The following NEDD1 variants were observed in gnomAD, a reference collection of about 807,000 sequenced individuals.
NEDD1 encodes protein NEDD1.
A neutral mutation model predicts 74.0 loss-of-function variants in NEDD1; 33 were observed. The observed-to-expected ratio is 0.45, with a 90% CI of 0.34 to 0.60. The LOEUF (loss-of-function observed/expected upper bound fraction) is 0.60, where lower values mean the gene tolerates loss of function less well. Ranked by LOEUF, NEDD1 falls within the 20% of genes least tolerant of loss-of-function variation. The probability of loss-of-function intolerance (pLI) is 0.01; values close to 1 mark genes in which losing one functional copy is unlikely to be tolerated. For missense variants in NEDD1, 746 were observed against 776.5 expected (o/e 0.96, Z 0.47); for synonymous variants, 250 against 264.4 (o/e 0.95, Z 0.53).
At chr12:96,928,387 A>C (rs1444998031) in intron 6 of NEDD1, among the ~76,000 whole-genome samples, 1 of 152,106 alleles carries the variant, frequency 6.6e-6, no homozygotes, top group African/African-American at 2.4e-5. Flanking sequence ...TATTGTTTTC[A>C]TAAGTATGTA....
chr12:96,916,230 T>TTTATTATTA (rs140210892), intron 4 of NEDD1, among the ~76,000 whole-genome samples: 3,124 of 145,394 alleles, frequency 0.021, 57 homozygotes, highest in East Asian at 0.096. Context: ...CCGTTGAAGA[T>TTTATTATTA]TTATTATTAT....
At chr12:96,932,417 G>A (rs1876576400) in intron 6 of NEDD1, among the ~76,000 whole-genome samples, 1 of 81,696 alleles carries the variant, frequency 1.2e-5, no homozygotes, top group Non-Finnish European at 2.4e-5. Flanking sequence ...GACCAGCCTG[G>A]GCAAAATGGC....
At position 96,942,627 on chromosome 12, in the gene NEDD1, A is replaced by G. The variant is rs775947296; in HGVS notation, c.1294+3A>G. The G allele has an allele frequency of 7.1e-7, 1 of 1,416,998 alleles. No homozygotes were observed. The highest frequency in any genetic ancestry group is 1.0e-6 in the Non-Finnish European group (1 of 1,002,016). 87.8% of individuals were successfully genotyped at this position (1,416,998 alleles called of 1,614,324 possible). A position where few individuals can be genotyped will look rare whatever the true frequency, so the allele number is the denominator to read the frequency against. ...TGAGTCCATAGGCAAAGGAGATGGT[A>G]AGAACTACTTAGAAGTATTTTCGTG... On this transcript the variant is annotated splice_donor_region_variant and intron_variant, in intron 11 of 15. Coordinates refer to ENST00000266742, the MANE Select transcript of NEDD1 (RefSeq NM_152905.4).
chr12:96,936,523 C>T, intron 7 of NEDD1, 88 bp from the exon 8 acceptor site: 1 of 825,428 alleles, frequency 1.2e-6, no homozygotes, highest in Admixed American at 2.1e-5. Context: ...GTGTTAATAA[C>T]TCTGGTTTTG....
At position 96,921,699 on chromosome 12, in the gene NEDD1, G is replaced by A. The variant is rs947979679; in HGVS notation, c.489+1574G>A. 3.4e-5 allele frequency among the ~76,000 whole-genome samples: 5 copies of A among 149,150 alleles called. No homozygotes were observed. In the East Asian group the frequency reaches 7.8e-4, roughly 23 times the overall value. On this transcript the variant is annotated intron_variant, in intron 6 of 15. Transcript: ENST00000266742. The stretch of plus-strand genomic sequence containing the variant: ...CTTTCTTAGAGAGTCTTACTCTATT[G>A]CCTATGCTGGAGTGCAGGGGAATGA...
At chr12:96,920,723 A>G (rs1874985924) in intron 6 of NEDD1, among the ~76,000 whole-genome samples, 1 of 152,210 alleles carries the variant, frequency 6.6e-6, no homozygotes, top group South Asian at 2.1e-4. Flanking sequence ...CTCTTGGTTG[A>G]CTTTCCATAA....
At position 96,936,809 on chromosome 12, in the gene NEDD1, TA is replaced by T; in HGVS notation, c.920del (p.Lys307SerfsTer4). 6.3e-7 allele frequency: 1 copy of T among 1,584,210 alleles called. No homozygotes were observed. Among genetic ancestry groups the T allele is most frequent in the Non-Finnish European group, 8.7e-7 (1 of 1,154,730 alleles). On this transcript the variant is annotated frameshift_variant and splice_region_variant, in exon 8 of 16. Coordinates refer to ENST00000266742, the MANE Select transcript of NEDD1 (RefSeq NM_152905.4). LOFTEE classifies it high-confidence loss of function. ...IAFQYSTVLT[K>X]SSLNKGCSNK... ...CATTTCAGTACTCCACTGTTCTTAC[TA>T]AGGTGAGACATTTTCTTTTCAGCAT...
At chr12:96,933,864 A>G (rs1006362965) in intron 6 of NEDD1, among the ~76,000 whole-genome samples, 1 of 152,218 alleles carries the variant, frequency 6.6e-6, no homozygotes, top group Non-Finnish European at 1.5e-5. Flanking sequence ...ACATTTTAGT[A>G]AAAAAGAAAA....
chr12:96,929,214 T>A (rs1876073115), intron 6 of NEDD1, among the ~76,000 whole-genome samples: 1 of 151,894 alleles, frequency 6.6e-6, no homozygotes, highest in Non-Finnish European at 1.5e-5. Flanking sequence ...TAAGGTATTG[T>A]CTGTTGTGTT....
intron 7 of NEDD1, among the ~76,000 whole-genome samples, chr12:96,935,804 A>G (rs899235939): frequency 3.3e-5 from 5 of 152,078 alleles, no homozygotes; most frequent in African/African-American, 1.2e-4. Flanking sequence ...TGTTAAATTT[A>G]GGTATGCTTA....
At chr12:96,942,955 T>C (rs1044820427) in intron 11 of NEDD1, among the ~76,000 whole-genome samples, 4 of 152,004 alleles carry the variant, frequency 2.6e-5, no homozygotes, top group Admixed American at 2.0e-4. Context: ...GCCAACAACA[T>C]GGCAGCTGGT....
chr12:96,943,470 C>T lies in NEDD1; in HGVS notation c.1295-90C>T, dbSNP rs1019479974. ...CAGAATGCAGATCCATATCTTCTTC[C>T]ATGTTAATCTGCCTATCATGTTAAA... On this transcript the variant is annotated intron_variant, in intron 11 of 15. Transcript: ENST00000266742. 3.8e-5 allele frequency: 31 copies of T among 807,710 alleles called. No individual in the cohort carries two copies. In the African/African-American group the frequency reaches 5.1e-4, roughly 13 times the overall value. 50.0% of individuals were successfully genotyped at this position (807,710 alleles called of 1,614,324 possible). A position where few individuals can be genotyped will look rare whatever the true frequency, so the allele number is the denominator to read the frequency against.
chr12:96,912,788 C>G lies in NEDD1; in HGVS notation c.202C>G (p.Pro68Ala). Reference protein sequence around the residue: ...KIVVSSCKCKPVPLLELAEGQ... With the variant: ...KIVVSSCKCKAVPLLELAEGQ... ...AGTTGTCTCAAGTTGCAAATGTAAA[C>G]CTGTTCCACTTTTAGAGCTTGCTGA... The change falls in exon 4 of 16, where the codon CCT (proline) becomes GCT (alanine). Residue 68 changes from proline (P) to alanine (A), a missense_variant. Physicochemically the swap from Pro to Ala is conservative, Grantham distance 27. Coordinates refer to ENST00000266742, the MANE Select transcript of NEDD1 (RefSeq NM_152905.4). The G allele has an allele frequency of 6.2e-7, 1 of 1,605,882 alleles. No homozygotes were observed.
chr12:96,929,109 G>T (rs1876059185), intron 6 of NEDD1, among the ~76,000 whole-genome samples: 1 of 150,944 alleles, frequency 6.6e-6, no homozygotes, highest in Non-Finnish European at 1.5e-5. Flanking sequence ...CATTTTCTTT[G>T]CTTATCTTCA....
intron 6 of NEDD1, among the ~76,000 whole-genome samples, chr12:96,931,786 A>T (rs114853873): frequency 6.6e-6 from 1 of 152,324 alleles, no homozygotes; most frequent in East Asian, 1.9e-4. Context: ...TTGATACTCT[A>T]CTGAATACAC....
rs937668565 is a variant in NEDD1, at chr12:96,952,893, TAAG to T, written c.*844_*846del. ...ATTATTTCTATTTTCTTTTTCCAAA[TAAG>T]AAGCTTGGATTATTTTATTTTGTGG... is the stretch of plus-strand genomic sequence containing the variant. On this transcript the variant is annotated 3_prime_UTR_variant, in exon 16 of 16. Coordinates refer to ENST00000266742, the MANE Select transcript of NEDD1 (RefSeq NM_152905.4). 2.1e-4 allele frequency: 32 copies of T among 151,718 alleles called. No individual in the cohort carries two copies. Among genetic ancestry groups the T allele is most frequent in the Admixed American group, 1.6e-3 (25 of 15,204 alleles). The allele number at this position is 151,718 out of a possible 1,614,324, so 9.4% of individuals were successfully genotyped here. A position where few individuals can be genotyped will look rare whatever the true frequency, so the allele number is the denominator to read the frequency against.
At chr12:96,942,715 T>TA (rs982308673) in intron 11 of NEDD1, 91 bp downstream of exon 11, 48 of 708,346 alleles carry the variant, frequency 6.8e-5, no homozygotes, top group Non-Finnish European at 9.1e-5. Flanking sequence ...CTTTGAGGCT[T>TA]AAAAAAATAA....
In NEDD1 at chr12:96,920,117, A is replaced by G. The variant is rs929375071; in HGVS notation, c.481A>G (p.Ser161Gly). ...NLSSTPFGHGSNQSVRHLKYS... is the reference protein window; with the variant it reads ...NLSSTPFGHGGNQSVRHLKYS... ...ATCTAGTACTCCTTTTGGCCATGGT[A>G]GTAACCAGGTACAGTATGAGTTTAT... Residue 161 changes from serine (S) to glycine (G), a missense_variant, in exon 6 of 16, where the codon AGT becomes GGT. This residue lies in a region of NEDD1 where 706 missense variants were observed against 706.7 expected (regional missense o/e 1.00). Transcript: ENST00000266742. The G allele has an allele frequency of 8.2e-6, 13 of 1,592,966 alleles. No homozygotes were observed. The African/African-American group carries it at 1.6e-4, about 20-fold the overall frequency.
intron 8 of NEDD1, 112 bp downstream of exon 8, chr12:96,936,924 T>A: frequency 1.6e-6 from 1 of 643,210 alleles, no homozygotes; most frequent in Non-Finnish European, 2.6e-6. Context: ...AATTACATAA[T>A]GATTTTACAT....
Sources: gnomAD v4.1 joint callset for allele counts (sites outside exome capture counted in the v4.1 genomes callset) on GRCh38, gnomAD v4.1.1 for gene constraint, gnomAD v4.1.1 regional missense constraint, MANE v1.5 for transcripts, NCBI Gene and HGNC (gene_info 2026-07-23, HGNC 2026-07-21) for gene names.